GABRG2: variants seen among roughly 807,000 people sequenced by gnomAD.
The protein encoded by GABRG2 is gamma-aminobutyric acid type A receptor subunit gamma2.
GABRG2 carries 16 observed loss-of-function variants against 56.4 expected under a neutral mutation model. That is an observed-to-expected ratio of 0.28 (90% CI 0.19 to 0.43). The LOEUF is 0.43. GABRG2 is among the 20% of genes least tolerant of loss of function. The pLI, the probability that GABRG2 is intolerant of heterozygous loss-of-function variation, is 1.00. For synonymous variants in GABRG2, 208 were observed against 205.5 expected (o/e 1.01, Z -0.10); for missense variants, 327 against 582.7 (o/e 0.56, Z 4.52).
rs76898315 is a variant in GABRG2 at position 162,097,661 on chromosome 5, T to G, written c.351T>G (p.Phe117Leu). The G allele has an allele frequency of 6.2e-7, 1 of 1,613,060 alleles. No individual in the cohort carries two copies. Among genetic ancestry groups the G allele is most frequent in the South Asian group, 1.1e-5 (1 of 91,062 alleles). ...AGGAATACACTATTGATATATTTTT[T>G]GCGCAAACGTGGTATGACAGACGTT... is the stretch of plus-strand genomic sequence containing the variant. The part of the protein sequence containing the change: ...INMEYTIDIF[F>L]AQTWYDRRLK... The change falls in exon 4 of 10, where the codon TTT becomes TTG. Residue 117 changes from phenylalanine to leucine, a missense_variant. Phe to Leu is a conservative substitution (Grantham distance 22). Around this residue, in one of 4 missense-constraint regions of GABRG2, gnomAD observed 104 missense variants for 209.3 expected, o/e 0.50. Transcript: ENST00000639213.
chr5:162,074,920 A>G (rs1758970839), intron 1 of GABRG2, among the ~76,000 whole-genome samples: 1 of 149,660 alleles, frequency 6.7e-6, no homozygotes, highest in Non-Finnish European at 1.5e-5. Flanking sequence ...TAGTCTTTTT[A>G]TGGTGGACAT....
chr5:162,096,184 T>C (rs1312650042), intron 3 of GABRG2, among the ~76,000 whole-genome samples: 1 of 152,026 alleles, frequency 6.6e-6, no homozygotes, highest in Non-Finnish European at 1.5e-5. Flanking sequence ...AAGTGAGAGA[T>C]TGATGTGCCA....
intron 1 of GABRG2, among the ~76,000 whole-genome samples, chr5:162,091,317 T>A (rs1342755494): frequency 1.3e-5 from 2 of 151,898 alleles, no homozygotes; most frequent in Non-Finnish European, 2.9e-5. Context: ...GTTCCATTAT[T>A]AAGGAATTTT....
chr5:162,135,752 C>T (rs766341266), intron 6 of GABRG2, among the ~76,000 whole-genome samples: 4 of 151,948 alleles, frequency 2.6e-5, no homozygotes, highest in Non-Finnish European at 4.4e-5. Flanking sequence ...GAGTTGAGGC[C>T]AGAGGAGGCA....
At chr5:162,149,698 C>A (rs1052409263) in intron 8 of GABRG2, 15 of 514,114 alleles carry the variant, frequency 2.9e-5, no homozygotes, top group African/African-American at 2.6e-4. Context: ...ACTGCAACCT[C>A]TGCCTCCTAG....
chr5:162,099,926 A>T (rs1761293744), intron 4 of GABRG2: 1 of 152,178 alleles, frequency 6.6e-6, no homozygotes, highest in African/African-American at 2.4e-5. Flanking sequence ...TATTATTTTC[A>T]ATTTTAATAA....
intron 6 of GABRG2, among the ~76,000 whole-genome samples, chr5:162,131,341 C>T (rs1003197454): frequency 4.6e-5 from 7 of 151,976 alleles, no homozygotes; most frequent in African/African-American, 1.4e-4. Context: ...GGTGAACCTC[C>T]AGTGGTATCG....
chr5:162,129,316 A>T (rs1398814763), intron 6 of GABRG2: 1 of 151,992 alleles, frequency 6.6e-6, no homozygotes, highest in Non-Finnish European at 1.5e-5. Flanking sequence ...GAAAAGGGAG[A>T]GTTTGTTTTT....
At chr5:162,115,104 A>G (rs1050288827) in intron 6 of GABRG2, among the ~76,000 whole-genome samples, 4 of 152,198 alleles carry the variant, frequency 2.6e-5, no homozygotes, top group Admixed American at 2.6e-4. Flanking sequence ...TGATAAAATG[A>G]GGCAGCTGTG....
upstream of GABRG2, chr5:162,067,698 T>A: frequency 1.7e-6 from 1 of 601,788 alleles, no homozygotes; most frequent in Non-Finnish European, 2.9e-6. Flanking sequence ...TCTCCCTTAT[T>A]TGTCTCCGTA....
chr5:162,112,966 AT>A (rs1329174171), intron 6 of GABRG2, among the ~76,000 whole-genome samples: 1 of 151,734 alleles, frequency 6.6e-6, no homozygotes, highest in Non-Finnish European at 1.5e-5. Flanking sequence ...TATTATTATT[AT>A]TTTGAGACAG....
rs180905867 is a variant in GABRG2, at chr5:162,155,323, T to G, written c.*1955T>G. 2 of 152,640 alleles carry G rather than the reference T, an allele frequency of 1.3e-5. No homozygotes were observed. The highest frequency in any genetic ancestry group is 3.9e-4 in the East Asian group (2 of 5,186). 9.5% of individuals were successfully genotyped at this position (152,640 alleles called of 1,614,324 possible). A position where few individuals can be genotyped will look rare whatever the true frequency, so the allele number is the denominator to read the frequency against. ...GTTTCAATGGTGAGAAACATTATTG[T>G]CAACTTGAAATGTGTTCTGTAATGG... On this transcript the variant is annotated 3_prime_UTR_variant, in exon 10 of 10. Coordinates refer to ENST00000639213, the MANE Select transcript of GABRG2 (RefSeq NM_198904.4).
In GABRG2 at chr5:162,079,650, A is replaced by G. The variant is rs189608633; in HGVS notation, c.107+11544A>G. On this transcript the variant is annotated intron_variant, in intron 1 of 9. Coordinates refer to ENST00000639213, the MANE Select transcript of GABRG2 (RefSeq NM_198904.4). Reference sequence around the variant, plus strand: ...AATATATATAATATGATAATATATAACACTGCTTTTATAAATTTACTTGTA... The same window carrying G: ...AATATATATAATATGATAATATATAGCACTGCTTTTATAAATTTACTTGTA... Among the ~76,000 whole-genome samples, 279 of 152,084 alleles carry G rather than the reference A, an allele frequency of 1.8e-3. 7 individuals are homozygous for G. Among genetic ancestry groups the G allele is most frequent in the Non-Finnish European group, 2.4e-4 (16 of 67,978 alleles).
chr5:162,075,659 A>G (rs1462373835), intron 1 of GABRG2, among the ~76,000 whole-genome samples: 1 of 151,998 alleles, frequency 6.6e-6, no homozygotes, highest in African/African-American at 2.4e-5. Context: ...AATTGCACTC[A>G]TTTTCCCCCA....
intron 1 of GABRG2, among the ~76,000 whole-genome samples, chr5:162,085,230 G>A (rs939244321): frequency 3.3e-5 from 5 of 151,928 alleles, no homozygotes; most frequent in African/African-American, 4.8e-5. Context: ...GACAAATAAT[G>A]CAACTGTGAG....
At chr5:162,142,120 T>G in intron 6 of GABRG2, 44 bp from the exon 7 acceptor site, 1 of 1,597,350 alleles carries the variant, frequency 6.3e-7, no homozygotes. Context: ...TGTTTTCCAG[T>G]GATTGATAAA....
chr5:162,152,390 A>G (rs1765431940), intron 9 of GABRG2: 3 of 427,880 alleles, frequency 7.0e-6, no homozygotes, highest in African/African-American at 6.3e-5. Flanking sequence ...TTAACATTAA[A>G]TATATCATTT....
At chr5:162,119,418 C>T (rs1762836793) in intron 6 of GABRG2, among the ~76,000 whole-genome samples, 1 of 152,150 alleles carries the variant, frequency 6.6e-6, no homozygotes, top group African/African-American at 2.4e-5. Context: ...TTGAAAACTA[C>T]TGTGTGCAGC....
rs1758367939 is a variant in GABRG2, at chr5:162,068,139, C to T, written c.107+33C>T. On this transcript the variant is annotated intron_variant, in intron 1 of 9. Transcript: ENST00000639213. ...GTGCCCTTTTTGGCGTCGTTTTGTT[C>T]TGAAGAGGTGGGGGGAAGGTGTGGG... The T allele has an allele frequency of 4.7e-6, 7 of 1,496,072 alleles. No individual in the cohort carries two copies. The South Asian group carries it at 7.9e-5, about 17-fold the overall frequency. 92.7% of individuals were successfully genotyped at this position (1,496,072 alleles called of 1,614,324 possible). A position where few individuals can be genotyped will look rare whatever the true frequency, so the allele number is the denominator to read the frequency against.
Sources: gnomAD v4.1 joint callset for allele counts (sites outside exome capture counted in the v4.1 genomes callset) on GRCh38, gnomAD v4.1.1 for gene constraint, gnomAD v4.1.1 regional missense constraint, MANE v1.5 for transcripts, NCBI Gene and HGNC (gene_info 2026-07-23, HGNC 2026-07-21) for gene names.